The following CAMTA1 variants were observed in gnomAD, a reference collection of about 807,000 sequenced individuals.
The protein encoded by CAMTA1 is calmodulin binding transcription activator 1.
A neutral mutation model predicts 170.9 loss-of-function variants in CAMTA1; 27 were observed. That is an observed-to-expected ratio of 0.16 (90% CI 0.12 to 0.22). CAMTA1 has a LOEUF of 0.22. Among genes scored for constraint, CAMTA1 ranks in the 10% least tolerant of loss-of-function variants. CAMTA1 has a pLI of 1.00. For synonymous variants in CAMTA1, 833 were observed against 891.5 expected, an observed-to-expected ratio of 0.93 and a Z score of 1.17; for missense variants, 1,619 against 2,217.2, an observed-to-expected ratio of 0.73 and a Z score of 5.42.
At position 7,592,505 on chromosome 1, in the gene CAMTA1, T is replaced by A. The variant is rs1162366184; in HGVS notation, c.511-47895T>A. 1.3e-5 allele frequency among the ~76,000 whole-genome samples: 2 copies of A among 152,158 alleles called. No individual in the cohort carries two copies. The highest frequency in any genetic ancestry group is 2.9e-5 in the Non-Finnish European group (2 of 68,038). On this transcript the variant is annotated intron_variant, in intron 6 of 22. Transcript: ENST00000303635. This position sits in a 1 kb window ranked among gnomAD's most constrained non-coding sequence, Gnocchi z 4.6. ...CAAGCATGAGACATAGGTAGGGTCCTATTGGAATGGGCCAGCACCCTCTGG... is the reference window on the plus strand; with the variant it reads ...CAAGCATGAGACATAGGTAGGGTCCAATTGGAATGGGCCAGCACCCTCTGG...
rs548137756 is a variant in CAMTA1, at chr1:7,411,442, G to C, written c.439-56388G>C. 1.6e-4 allele frequency among the ~76,000 whole-genome samples: 24 copies of C among 151,424 alleles called. No individual in the cohort carries two copies. In the South Asian group the frequency reaches 2.7e-3, roughly 17 times the overall value. On this transcript the variant is annotated intron_variant, in intron 5 of 22. Transcript: ENST00000303635. ...TAATCCCAGCTACTCAGGAGGCTGA[G>C]GCAGGAGAATCGATAGAACCTGGGA... is the stretch of plus-strand genomic sequence containing the variant.
At chr1:7,489,966 C>G (rs912541153) in intron 6 of CAMTA1, among the ~76,000 whole-genome samples, 6 of 152,198 alleles carry the variant, frequency 3.9e-5, no homozygotes, top group Non-Finnish European at 8.8e-5. Flanking sequence ...CGGGAGGGCA[C>G]TTGGATCCCC....
Position 6,887,245 on chromosome 1 carries a change from C to A in CAMTA1, c.234+62035C>A. 6.6e-6 allele frequency among the ~76,000 whole-genome samples: 1 copy of A among 152,296 alleles called. No individual in the cohort carries two copies. Among genetic ancestry groups the A allele is most frequent in the East Asian group, 1.9e-4 (1 of 5,190 alleles). ...ATGCATAGTAAGTAAAAAAATTCTT[C>A]CAAAATTAGTGTTAATTGAATCTGA... On this transcript the variant is annotated intron_variant, in intron 3 of 22. Transcript: ENST00000303635. This position sits in a 1 kb window ranked among gnomAD's most constrained non-coding sequence, Gnocchi z 4.1.
At chr1:7,403,885 A>G (rs1481916056) in intron 5 of CAMTA1, among the ~76,000 whole-genome samples, 1 of 152,132 alleles carries the variant, frequency 6.6e-6, no homozygotes, top group Non-Finnish European at 1.5e-5. Flanking sequence ...AAATGGGTGC[A>G]GGGAGGCAAA....
intron 6 of CAMTA1, among the ~76,000 whole-genome samples, chr1:7,472,954 G>A (rs886700895): frequency 6.6e-6 from 1 of 152,176 alleles, no homozygotes; most frequent in Admixed American, 6.5e-5. Flanking sequence ...CTTTACCTGG[G>A]ACTCACCACC....
chr1:7,213,859 G>T (rs2149085491), intron 4 of CAMTA1, among the ~76,000 whole-genome samples: 1 of 152,038 alleles, frequency 6.6e-6, no homozygotes, highest in South Asian at 2.1e-4. Context: ...ACATGCGGTG[G>T]TTGTTTTTTT....
At chr1:7,411,263 G>A (rs561354195) in intron 5 of CAMTA1, among the ~76,000 whole-genome samples, 1 of 152,302 alleles carries the variant, frequency 6.6e-6, no homozygotes, top group African/African-American at 2.4e-5. Flanking sequence ...TGGGGCATGA[G>A]CAGGGGTCCC....
chr1:7,675,373 T>C (rs991665193), intron 10 of CAMTA1, among the ~76,000 whole-genome samples: 1 of 152,208 alleles, frequency 6.6e-6, no homozygotes, highest in African/African-American at 2.4e-5. Context: ...TTACTTGCAA[T>C]GGGAGGCTGT....
At chr1:7,705,825 A>G (rs1197941462) in intron 11 of CAMTA1, among the ~76,000 whole-genome samples, 5 of 152,122 alleles carry the variant, frequency 3.3e-5, no homozygotes, top group Admixed American at 3.3e-4. Context: ...AAGTGGATGG[A>G]AGGCTCGGAG....
intron 5 of CAMTA1, among the ~76,000 whole-genome samples, chr1:7,289,667 A>C (rs1672838686): frequency 6.6e-6 from 1 of 152,212 alleles, no homozygotes; most frequent in Admixed American, 6.5e-5. Context: ...GCTAGATTTG[A>C]GTGGGCCCTT....
intron 3 of CAMTA1, among the ~76,000 whole-genome samples, chr1:6,847,262 T>A (rs10779668): frequency 0.68 from 102,292 of 151,534 alleles, 34,953 homozygotes; most frequent in Admixed American, 0.76. Flanking sequence ...ATTTTTTTTT[T>A]AAAAATGACA....
intron 5 of CAMTA1, among the ~76,000 whole-genome samples, chr1:7,454,389 C>T (rs755421387): frequency 6.6e-6 from 1 of 152,236 alleles, no homozygotes; most frequent in Non-Finnish European, 1.5e-5. Flanking sequence ...ATGTGCCAGT[C>T]ACTGCAAACG....
intron 4 of CAMTA1, among the ~76,000 whole-genome samples, chr1:7,180,697 A>G (rs903153300): frequency 1.3e-5 from 2 of 151,914 alleles, no homozygotes; most frequent in African/African-American, 4.8e-5. Context: ...TATTTTTTAT[A>G]GAGACGGATT....
In CAMTA1 at chr1:7,584,417, T is replaced by C. The variant is rs138834099; in HGVS notation, c.511-55983T>C. ...GGAGATGATGTGGAGGGTGGTCAGA[T>C]ACTAAGGTGGGGGTTTCTGCTAAGC... On this transcript the variant is annotated intron_variant, in intron 6 of 22. Coordinates refer to ENST00000303635, the MANE Select transcript of CAMTA1 (RefSeq NM_015215.4). 1.2e-3 allele frequency among the ~76,000 whole-genome samples: 189 copies of C among 152,198 alleles called. 1 individual carries two copies. Among genetic ancestry groups the C allele is most frequent in the African/African-American group, 4.4e-3 (183 of 41,544 alleles).
intron 1 of CAMTA1, among the ~76,000 whole-genome samples, chr1:6,793,068 CTT>C (rs1481938094): frequency 1.3e-5 from 2 of 151,464 alleles, no homozygotes; most frequent in African/African-American, 4.8e-5. Flanking sequence ...ATACCCCACT[CTT>C]ATATATATCT....
intron 3 of CAMTA1, among the ~76,000 whole-genome samples, chr1:6,902,079 A>AAAAAATAAT (rs796874602): frequency 4.0e-5 from 3 of 75,198 alleles, no homozygotes; most frequent in African/African-American, 1.1e-4. Flanking sequence ...ACACAAAAAA[A>AAAAAATAAT]AAAATAAAAA....
In CAMTA1 at chr1:7,482,846, C is replaced by T. The variant is rs375665939; in HGVS notation, c.510+14945C>T. On this transcript the variant is annotated intron_variant, in intron 6 of 22. Transcript: ENST00000303635. The surrounding 1 kb of genome is among the most constrained non-coding windows in gnomAD (Gnocchi z 4.2). The stretch of plus-strand genomic sequence containing the variant: ...AGAGGAGGTGGCATTGGGGTGCAGG[C>T]GTCTCCTGTGGAAAGTCCCCAGCTC... 1.3e-5 allele frequency among the ~76,000 whole-genome samples: 2 copies of T among 152,270 alleles called. No individual in the cohort carries two copies. The highest frequency in any genetic ancestry group is 4.8e-5 in the African/African-American group (2 of 41,552).
In CAMTA1 at chr1:7,601,570, T is replaced by C. The variant is rs1576336973; in HGVS notation, c.511-38830T>C. On this transcript the variant is annotated intron_variant, in intron 6 of 22. Coordinates refer to ENST00000303635, the MANE Select transcript of CAMTA1 (RefSeq NM_015215.4). ...CGGGCAGAGGCTGCAATCTCGGCAC[T>C]TTGGGAGGCCAAGGCAGGCAGCTGG... Among the ~76,000 whole-genome samples the C allele has an allele frequency of 1.3e-5, 2 of 152,316 alleles. 1 individual carries two copies. Among genetic ancestry groups the C allele is most frequent in the South Asian group, 4.1e-4 (2 of 4,832 alleles).
At chr1:7,445,563 A>T (rs970768792) in intron 5 of CAMTA1, among the ~76,000 whole-genome samples, 4 of 151,942 alleles carry the variant, frequency 2.6e-5, no homozygotes. Context: ...CTGGAGGGGG[A>T]GGCGGAGCTG....
Sources: allele counts gnomAD v4.1 joint callset (sites outside exome capture counted in the v4.1 genomes callset), GRCh38; gene constraint gnomAD v4.1.1; non-coding constraint Gnocchi (gnomAD v3.1); transcripts MANE v1.5; gene names NCBI Gene and HGNC (gene_info 2026-07-23, HGNC 2026-07-21).